The following EPX variants were observed in gnomAD, a reference collection of about 807,000 sequenced individuals.
EPX encodes the protein eosinophil peroxidase.
Under a neutral mutation model 73.0 loss-of-function variants are expected in EPX, and 60 were observed. That is an observed-to-expected ratio of 0.82 (90% CI 0.67 to 1.02). The LOEUF (loss-of-function observed/expected upper bound fraction) is 1.02, where lower values mean the gene tolerates loss of function less well. Among genes scored for constraint, EPX ranks in the 50% least tolerant of loss-of-function variants. The pLI, the probability that EPX is intolerant of heterozygous loss-of-function variation, is 0.00. For missense variants in EPX, 950 were observed against 973.9 expected, an observed-to-expected ratio of 0.98 and a Z score of 0.33; for synonymous variants, 347 against 389.2, an observed-to-expected ratio of 0.89 and a Z score of 1.28.
chr17:58,201,701 T>A (rs181631678), intron 10 of EPX, among the ~76,000 whole-genome samples: 2 of 152,244 alleles, frequency 1.3e-5, no homozygotes, highest in African/African-American at 4.8e-5. Flanking sequence ...GTTCCTTCAG[T>A]TGGGCCTTTG....
At chr17:58,204,152 C>A in intron 11 of EPX, 70 bp from the exon 12 acceptor site, 2 of 1,018,826 alleles carry the variant, frequency 2.0e-6, no homozygotes. Context: ...AAGTACCTGG[C>A]ACACAACAGG....
intron 8 of EPX, 22 bp from the exon 9 acceptor site, chr17:58,199,517 T>C: frequency 1.9e-6 from 3 of 1,613,894 alleles, no homozygotes; most frequent in Non-Finnish European, 2.5e-6. Context: ...CTGGGGAATG[T>C]TCCTCCTGTC....
intron 7 of EPX, among the ~76,000 whole-genome samples, chr17:58,197,960 C>T (rs1696505536): frequency 2.0e-5 from 3 of 152,108 alleles, no homozygotes; most frequent in Admixed American, 6.5e-5. Context: ...CTCAGCCTCC[C>T]GAGTAGCTGG....
At chr17:58,201,729 T>C (rs1968344009) in intron 10 of EPX, among the ~76,000 whole-genome samples, 1 of 152,216 alleles carries the variant, frequency 6.6e-6, no homozygotes, top group Non-Finnish European at 1.5e-5. Context: ...GGGTATGTTA[T>C]GTTTTTCATG....
rs10853004 is a variant in EPX, at chr17:58,194,136, A to G, written c.594+44A>G. Reference sequence around the variant, plus strand: ...TTTGGGAGGTTGCTTGATCTCTTAAATGCGGGGAGTAAAACACAGCCCAGA... The same window carrying G: ...TTTGGGAGGTTGCTTGATCTCTTAAGTGCGGGGAGTAAAACACAGCCCAGA... On this transcript the variant is annotated intron_variant, in intron 5 of 12. Coordinates refer to ENST00000225371, the MANE Select transcript of EPX (RefSeq NM_000502.6). 492,858 of 1,602,022 alleles carry G rather than the reference A, an allele frequency of 0.31. 78,811 individuals carry two copies. The highest frequency in any genetic ancestry group is 0.32 in the Non-Finnish European group (377,716 of 1,172,974).
At chr17:58,198,722 G>C (rs1968295961) in intron 7 of EPX, among the ~76,000 whole-genome samples, 1 of 152,180 alleles carries the variant, frequency 6.6e-6, no homozygotes, top group Non-Finnish European at 1.5e-5. Context: ...GCCCATAGCT[G>C]GTCCAGGCTA....
At position 58,193,560 on chromosome 17, in the gene EPX, C is replaced by T; in HGVS notation, c.346+14C>T. 1 of 1,613,676 alleles carries T rather than the reference C, an allele frequency of 6.2e-7. No homozygotes were observed. The highest frequency in any genetic ancestry group is 1.1e-5 in the South Asian group (1 of 91,066). On this transcript the variant is annotated intron_variant, in intron 3 of 12. Transcript: ENST00000225371. ...TCAATGTCACTGGTACTCTGATCCCCACTGAGCCCGCTGGGCCTACCCTGG... is the reference window on the plus strand; with the variant it reads ...TCAATGTCACTGGTACTCTGATCCCTACTGAGCCCGCTGGGCCTACCCTGG...
At chr17:58,200,185 G>A (rs1452646039) in intron 9 of EPX, 40 bp from the exon 10 acceptor site, 2 of 1,607,670 alleles carry the variant, frequency 1.2e-6, no homozygotes, top group Non-Finnish European at 1.7e-6. Flanking sequence ...GCTTCCCAGA[G>A]GCTGGTCCAA....
intron 7 of EPX, among the ~76,000 whole-genome samples, chr17:58,198,819 C>T (rs1245875863): frequency 6.6e-6 from 1 of 152,202 alleles, no homozygotes; most frequent in Admixed American, 6.5e-5. Context: ...TCCCACCTCA[C>T]CCAAGCCTGC....
chr17:58,193,902 C>A (rs1045408210), intron 4 of EPX, 61 bp from the exon 5 acceptor site: 5 of 1,610,336 alleles, frequency 3.1e-6, no homozygotes, highest in Admixed American at 1.7e-5. Flanking sequence ...CACCCTCTCC[C>A]TCCATGCTGA....
Position 58,196,922 on chromosome 17 carries a change from C to A in EPX, c.802-17C>A. 6.2e-7 allele frequency: 1 copy of A among 1,610,468 alleles called. No individual in the cohort carries two copies. The highest frequency in any genetic ancestry group is 8.5e-7 in the Non-Finnish European group (1 of 1,178,128). On this transcript the variant is annotated splice_polypyrimidine_tract_variant and intron_variant, in intron 6 of 12. Coordinates refer to ENST00000225371, the MANE Select transcript of EPX (RefSeq NM_000502.6). ...TATTGAGGGGGCCCCATGTCACTGT[C>A]TCCTCTTCCATCTCAGATCCCACCC...
Position 58,193,408 on chromosome 17 carries a change from A to G in EPX, c.208A>G (p.Met70Val), listed in dbSNP as rs1364811516. ...QRLRSGSASPMDLLSYFKQPV... is the reference protein window; with the variant it reads ...QRLRSGSASPVDLLSYFKQPV... Reference sequence around the variant, plus strand: ...GCTTCGCAGCGGTTCAGCCAGCCCCATGGACCTCCTGTCCTACTTCAAACA... The same window carrying G: ...GCTTCGCAGCGGTTCAGCCAGCCCCGTGGACCTCCTGTCCTACTTCAAACA... The change falls in exon 3 of 13, where the codon ATG (methionine) becomes GTG (valine). Residue 70 changes from methionine (M) to valine (V), a missense_variant. Transcript: ENST00000225371. 36 of 1,614,060 alleles carry G rather than the reference A, an allele frequency of 2.2e-5. No individual in the cohort carries two copies. The highest frequency in any genetic ancestry group is 2.8e-5 in the Non-Finnish European group (33 of 1,180,032).
chr17:58,197,163 AG>A lies in EPX; in HGVS notation c.1027del (p.Asp343ThrfsTer60). 6.2e-7 allele frequency: 1 copy of A among 1,614,128 alleles called. No homozygotes were observed. On this transcript the variant is annotated frameshift_variant, in exon 7 of 13. Coordinates refer to ENST00000225371, the MANE Select transcript of EPX (RefSeq NM_000502.6). LOFTEE classifies it high-confidence loss of function. Reference protein sequence around the residue: ...GLLAINQRFQDNGRALLPFDN... With the variant: ...GLLAINQRFQXNGRALLPFDN... ...TGCTGGCCATCAACCAGCGCTTTCA[AG>A]ACAACGGCCGGGCCCTGCTGCCCTT... is the stretch of plus-strand genomic sequence containing the variant.
chr17:58,197,131 C>A lies in EPX; in HGVS notation c.994C>A (p.Leu332Met). The A allele has an allele frequency of 6.2e-7, 1 of 1,614,214 alleles. No individual in the cohort carries two copies. Among genetic ancestry groups the A allele is most frequent in the Non-Finnish European group, 8.5e-7 (1 of 1,180,038 alleles). Residue 332 changes from leucine to methionine, a missense_variant, in exon 7 of 13, where the codon CTG becomes ATG. Coordinates refer to ENST00000225371, the MANE Select transcript of EPX (RefSeq NM_000502.6). Reference sequence around the variant, plus strand: ...GCGGCTCCGCAACCGGACCAACTACCTGGGGCTGCTGGCCATCAACCAGCG... The same window carrying A: ...GCGGCTCCGCAACCGGACCAACTACATGGGGCTGCTGGCCATCAACCAGCG... The part of the protein sequence containing the change: ...SLRLRNRTNY[L>M]GLLAINQRFQ...
intron 8 of EPX, 139 bp downstream of exon 8, chr17:58,199,339 C>G (rs1010716639): frequency 8.8e-7 from 1 of 1,130,138 alleles, no homozygotes; most frequent in Non-Finnish European, 1.3e-6. Context: ...CCTCTGGCCC[C>G]GATTCTGCCT....
At chr17:58,200,761 A>C (rs1266558260) in intron 10 of EPX, among the ~76,000 whole-genome samples, 1 of 152,212 alleles carries the variant, frequency 6.6e-6, no homozygotes, top group Admixed American at 6.5e-5. Flanking sequence ...GGAAGGCTAA[A>C]ATTCCAGAGC....
chr17:58,203,089 G>A lies in EPX; in HGVS notation c.1717G>A (p.Ala573Thr). 6.2e-7 allele frequency: 1 copy of A among 1,613,530 alleles called. No individual in the cohort carries two copies. Among genetic ancestry groups the A allele is most frequent in the Non-Finnish European group, 8.5e-7 (1 of 1,179,612 alleles). The change falls in exon 11 of 13, where the codon GCT becomes ACT. Residue 573 changes from alanine (A) to threonine (T), a missense_variant. By Grantham distance (58) the Ala-to-Thr change is moderately conservative (BLOSUM62 0). Transcript: ENST00000225371. ...SRDHGLPGYN[A>T]WRRFCGLSQP... Reference sequence around the variant, plus strand: ...TCCCCGTTCCCCTGCAGGGTACAATGCTTGGAGGCGCTTCTGTGGGCTCTC... The same window carrying A: ...TCCCCGTTCCCCTGCAGGGTACAATACTTGGAGGCGCTTCTGTGGGCTCTC...
Position 58,193,366 on chromosome 17 carries a change from G to A in EPX, c.171-5G>A. 1 of 1,614,104 alleles carries A rather than the reference G, an allele frequency of 6.2e-7. No homozygotes were observed. Among genetic ancestry groups the A allele is most frequent in the Non-Finnish European group, 8.5e-7 (1 of 1,180,000 alleles). The stretch of plus-strand genomic sequence containing the variant: ...TCCAGCCCTCACTCCTCCTCTCCTG[G>A]GCAGCATCAAGCAGCGGCTTCGCAG... On this transcript the variant is annotated splice_polypyrimidine_tract_variant and splice_region_variant and intron_variant, in intron 2 of 12. Transcript: ENST00000225371.
intron 5 of EPX, 22 bp downstream of exon 5, chr17:58,194,114 G>T (rs775260950): frequency 6.2e-7 from 1 of 1,612,220 alleles, no homozygotes. Context: ...CTGAGGGTTT[G>T]GGAGGTTGCT....
Sources: allele counts gnomAD v4.1 joint callset (sites outside exome capture counted in the v4.1 genomes callset), GRCh38; gene constraint gnomAD v4.1.1; transcripts MANE v1.5; gene names NCBI Gene and HGNC (gene_info 2026-07-23, HGNC 2026-07-21).